Variants in TNFAIP8L3 observed in about 807,000 individuals in gnomAD.
TNFAIP8L3 encodes TNF alpha induced protein 8 like 3.
Under a neutral mutation model 11.8 loss-of-function variants are expected in TNFAIP8L3, and 7 were observed. The ratio of observed to expected loss-of-function variants is 0.59; its 90% CI spans 0.34 to 1.11. TNFAIP8L3 has a LOEUF of 1.11. Ranked by LOEUF, TNFAIP8L3 falls within the 50% of genes most tolerant of loss-of-function variation. The pLI, the probability that TNFAIP8L3 is intolerant of heterozygous loss-of-function variation, is 0.03. For missense variants in TNFAIP8L3, 219 were observed against 258.6 expected (o/e 0.85, Z 1.05); for synonymous variants, 98 against 103.8 (o/e 0.94, Z 0.34).
chr15:51,089,772 T>G (rs927969589), intron 1 of TNFAIP8L3, among the ~76,000 whole-genome samples: 1 of 152,152 alleles, frequency 6.6e-6, no homozygotes, highest in Non-Finnish European at 1.5e-5. Context: ...CCCAGGAACA[T>G]GAAGAAGCAC....
intron 1 of TNFAIP8L3, among the ~76,000 whole-genome samples, chr15:51,077,037 G>A (rs1048638394): frequency 2.6e-5 from 4 of 152,088 alleles, no homozygotes; most frequent in Admixed American, 2.0e-4. Flanking sequence ...GAATCCTCCT[G>A]CTTCTTTCTC....
Position 51,058,352 on chromosome 15 carries a change from C to T in TNFAIP8L3, c.144G>A (p.Leu48=). The change falls in exon 2 of 2, where the codon TTG becomes TTA. Residue 48 remains leucine (L), a synonymous_variant. Transcript: ENST00000637513. ...KIASKTVANM[L]IDDTSSEIFD... ...AGATCTCGCTGCTGGTGTCATCAAT[C>T]AACATGTTGGCCACAGTTTTGCTGG... The T allele has an allele frequency of 6.2e-7, 1 of 1,614,112 alleles. No individual in the cohort carries two copies.
At chr15:51,071,050 C>CAAAAAAAAAAAAA (rs55991711) in intron 1 of TNFAIP8L3, among the ~76,000 whole-genome samples, 4 of 31,806 alleles carry the variant, frequency 1.3e-4, no homozygotes, top group African/African-American at 2.5e-4. Flanking sequence ...GACTCCGTCT[C>CAAAAAAAAAAAAA]AAAAAAAAAA....
At chr15:51,084,183 G>GGA (rs1555468106) in intron 1 of TNFAIP8L3, among the ~76,000 whole-genome samples, 1 of 150,420 alleles carries the variant, frequency 6.6e-6, no homozygotes, top group Non-Finnish European at 1.5e-5. Flanking sequence ...GATGTATAGG[G>GGA]GTGTGTGTGT....
chr15:51,068,660 GTTTTTTTTTT>G (rs113982459), intron 1 of TNFAIP8L3, among the ~76,000 whole-genome samples: 1 of 116,342 alleles, frequency 8.6e-6, no homozygotes, highest in Non-Finnish European at 1.8e-5. Context: ...CACCCCTCCT[GTTTTTTTTTT>G]TTTTTTTTTT....
intron 1 of TNFAIP8L3, among the ~76,000 whole-genome samples, chr15:51,084,278 T>C (rs2065412339): frequency 6.6e-6 from 1 of 152,240 alleles, no homozygotes; most frequent in Non-Finnish European, 1.5e-5. Context: ...GACAATGTTA[T>C]AATGTGAACA....
chr15:51,082,181 C>T (rs2065397260), intron 1 of TNFAIP8L3, among the ~76,000 whole-genome samples: 2 of 151,838 alleles, frequency 1.3e-5, no homozygotes, highest in Non-Finnish European at 2.9e-5. Flanking sequence ...GAACATCATA[C>T]GGTGTACTTA....
intron 1 of TNFAIP8L3, among the ~76,000 whole-genome samples, chr15:51,087,277 T>C (rs2065436108): frequency 6.6e-6 from 1 of 152,190 alleles, no homozygotes; most frequent in Non-Finnish European, 1.5e-5. Context: ...ATGACTCAAT[T>C]GTGGCAGGAA....
At chr15:51,093,834 C>T (rs2065490080) in intron 1 of TNFAIP8L3, among the ~76,000 whole-genome samples, 1 of 152,086 alleles carries the variant, frequency 6.6e-6, no homozygotes, top group Non-Finnish European at 1.5e-5. Context: ...CGGGGGAGGA[C>T]ATTCATTTTT....
At chr15:51,105,237 G>A in exon 1 of TNFAIP8L3, 3 of 1,560,354 alleles carry the variant, frequency 1.9e-6, no homozygotes, top group Non-Finnish European at 2.6e-6. Context: ...TCTTTAGGAG[G>A]TCTGGTCGTT....
chr15:51,103,978 C>T lies in TNFAIP8L3; in HGVS notation c.172+1027G>A, dbSNP rs1253246709. On this transcript the variant is annotated intron_variant, in intron 1 of 2. Transcript: ENST00000327536. ...TCTGAAACCAGGAATCACTTCCCAACGTGCTCTCCTCCGCTAGTGCAGAGT... is the reference window on the plus strand; with the variant it reads ...TCTGAAACCAGGAATCACTTCCCAATGTGCTCTCCTCCGCTAGTGCAGAGT... Among the ~76,000 whole-genome samples, 11 of 152,160 alleles carry T rather than the reference C, an allele frequency of 7.2e-5. No individual in the cohort carries two copies. The East Asian group carries it at 7.7e-4, about 11-fold the overall frequency.
chr15:51,062,763 A>C (rs1007694173), intron 1 of TNFAIP8L3, among the ~76,000 whole-genome samples: 3 of 152,210 alleles, frequency 2.0e-5, no homozygotes, highest in Non-Finnish European at 4.4e-5. Flanking sequence ...TAATACATTA[A>C]GGTGTTCTAT....
intron 1 of TNFAIP8L3, among the ~76,000 whole-genome samples, chr15:51,078,291 A>G (rs2140973363): frequency 7.5e-6 from 1 of 132,866 alleles, no homozygotes; most frequent in East Asian, 2.7e-4. Flanking sequence ...TGTCACAAAT[A>G]TAAGCGGGGG....
chr15:51,098,540 G>C (rs558865046), upstream of TNFAIP8L3, among the ~76,000 whole-genome samples: 1 of 152,224 alleles, frequency 6.6e-6, no homozygotes, highest in Non-Finnish European at 1.5e-5. Flanking sequence ...AGAACATGGT[G>C]CTAGAAGACA....
chr15:51,079,336 T>C (rs2065375946), intron 1 of TNFAIP8L3, among the ~76,000 whole-genome samples: 1 of 152,226 alleles, frequency 6.6e-6, no homozygotes, highest in African/African-American at 2.4e-5. Flanking sequence ...CTTATCACCT[T>C]GTGGAGCAAT....
At chr15:51,063,928 A>T (rs1042965474) in intron 1 of TNFAIP8L3, among the ~76,000 whole-genome samples, 1 of 152,216 alleles carries the variant, frequency 6.6e-6, no homozygotes, top group African/African-American at 2.4e-5. Context: ...TCCCCAAGTC[A>T]CAAAGTCCCT....
At chr15:51,073,840 T>C (rs552102617) in intron 1 of TNFAIP8L3, among the ~76,000 whole-genome samples, 5 of 152,350 alleles carry the variant, frequency 3.3e-5, no homozygotes, top group African/African-American at 7.2e-5. Flanking sequence ...CTTCCTTTTA[T>C]TCCTATTTTG....
chr15:51,086,122 TG>T (rs143566452), intron 1 of TNFAIP8L3, among the ~76,000 whole-genome samples: 3,314 of 152,110 alleles, frequency 0.022, 145 homozygotes, highest in African/African-American at 0.077. Context: ...AATGCTGGGG[TG>T]AAAAAAAGGG....
At chr15:51,071,440 T>C (rs113677676) in intron 1 of TNFAIP8L3, among the ~76,000 whole-genome samples, 157 of 152,296 alleles carry the variant, frequency 1.0e-3, no homozygotes, top group African/African-American at 3.7e-3. Flanking sequence ...CTATCCACGT[T>C]TTTATGCTTT....
Sources: allele counts gnomAD v4.1 joint callset (sites outside exome capture counted in the v4.1 genomes callset), GRCh38; gene constraint gnomAD v4.1.1; transcripts MANE v1.5; gene names NCBI Gene and HGNC (gene_info 2026-07-23, HGNC 2026-07-21).